PCDHGA8: variants seen among roughly 807,000 people sequenced by gnomAD.
PCDHGA8 encodes the protein protocadherin gamma subfamily A, 8.
A neutral mutation model predicts 59.2 loss-of-function variants in PCDHGA8; 45 were observed. The observed-to-expected ratio is 0.76, with a 90% CI of 0.60 to 0.98. The LOEUF is 0.98. Ranked by LOEUF, PCDHGA8 falls within the 50% of genes least tolerant of loss-of-function variation. PCDHGA8 has a pLI of 0.00. For synonymous variants in PCDHGA8, 531 were observed against 519.0 expected (o/e 1.02, Z -0.32); for missense variants, 1,257 against 1,196.2 (o/e 1.05, Z -0.75).
chr5:141,422,961 G>A, intron 1 of PCDHGA8: 1 of 1,614,234 alleles, frequency 6.2e-7, no homozygotes, highest in Non-Finnish European at 8.5e-7. Flanking sequence ...GCGTGGAGCT[G>A]GCGCCCCGCT....
intron 1 of PCDHGA8, chr5:141,398,616 C>T (rs922729367): frequency 6.2e-7 from 1 of 1,614,020 alleles, no homozygotes; most frequent in Non-Finnish European, 8.5e-7. Flanking sequence ...CAGATATTGG[C>T]TTAAACTCTC....
chr5:141,436,878 G>T (rs914354261), intron 1 of PCDHGA8, among the ~76,000 whole-genome samples: 1 of 152,216 alleles, frequency 6.6e-6, no homozygotes, highest in African/African-American at 2.4e-5. Context: ...GGCCATAAAA[G>T]ATGGGGGAAA....
chr5:141,505,891 G>A (rs541853565), intron 3 of PCDHGA8, among the ~76,000 whole-genome samples: 9 of 152,288 alleles, frequency 5.9e-5, no homozygotes, highest in Admixed American at 5.9e-4. Context: ...GATTAAATGA[G>A]ATGATACCAC....
intron 1 of PCDHGA8, among the ~76,000 whole-genome samples, chr5:141,452,353 AG>A (rs556616398): frequency 5.9e-5 from 9 of 152,206 alleles, no homozygotes; most frequent in Non-Finnish European, 1.3e-4. Context: ...TTTATCCAAA[AG>A]CCTTGCTTCA....
Position 141,477,439 on chromosome 5 carries a change from A to C in PCDHGA8, c.2425-17368A>C. 1 of 1,614,142 alleles carries C rather than the reference A, an allele frequency of 6.2e-7. No homozygotes were observed. Among genetic ancestry groups the C allele is most frequent in the Non-Finnish European group, 8.5e-7 (1 of 1,180,016 alleles). On this transcript the variant is annotated intron_variant, in intron 1 of 3. Transcript: ENST00000398604. This position sits in a 1 kb window ranked among gnomAD's most constrained non-coding sequence, Gnocchi z 4.9. ...GAACCCCTTCCCTCTCAGCCCTTAC[A>C]ATAGTGCGTGTTCAAGTGTCCGACA... is the stretch of plus-strand genomic sequence containing the variant.
intron 1 of PCDHGA8, among the ~76,000 whole-genome samples, chr5:141,402,311 A>G (rs1174114133): frequency 1.3e-5 from 2 of 152,022 alleles, no homozygotes; most frequent in Non-Finnish European, 2.9e-5. Flanking sequence ...ATACAATTAT[A>G]TATTTTACAT....
chr5:141,431,932 CT>C lies in PCDHGA8; in HGVS notation c.2424+36698del, dbSNP rs748715936. ...TCTGTTTCATCCAAGGAAATCTGCC[CT>C]TTAAATTAGAAAAATCTTACGGAAA... On this transcript the variant is annotated intron_variant, in intron 1 of 3. Transcript: ENST00000398604. The surrounding 1 kb of genome is among the most constrained non-coding windows in gnomAD (Gnocchi z 4.8). The C allele has an allele frequency of 6.2e-7, 1 of 1,614,172 alleles. No individual in the cohort carries two copies. Among genetic ancestry groups the C allele is most frequent in the Non-Finnish European group, 8.5e-7 (1 of 1,180,002 alleles).
intron 2 of PCDHGA8, among the ~76,000 whole-genome samples, chr5:141,499,675 T>A (rs1426498530): frequency 2.0e-5 from 3 of 150,746 alleles, no homozygotes; most frequent in African/African-American, 7.3e-5. Flanking sequence ...GTCTCCACCA[T>A]CTTTAACAGA....
At position 141,487,465 on chromosome 5, in the gene PCDHGA8, T is replaced by C. The variant is rs1354086784; in HGVS notation, c.2425-7342T>C. 1.9e-6 allele frequency: 3 copies of C among 1,614,194 alleles called. No individual in the cohort carries two copies. The highest frequency in any genetic ancestry group is 1.7e-6 in the Non-Finnish European group (2 of 1,180,020). Reference sequence around the variant, plus strand: ...CAGATGACCCTATCAAGTTTGTTGATGTGGGAGGCCACTCTCATGGCTGTA... The same window carrying C: ...CAGATGACCCTATCAAGTTTGTTGACGTGGGAGGCCACTCTCATGGCTGTA... On this transcript the variant is annotated intron_variant, in intron 1 of 3. Transcript: ENST00000398604. The surrounding 1 kb of genome is among the most constrained non-coding windows in gnomAD (Gnocchi z 5.0).
At chr5:141,399,125 T>C in intron 1 of PCDHGA8, 1 of 1,613,834 alleles carries the variant, frequency 6.2e-7, no homozygotes, top group South Asian at 1.1e-5. Context: ...GAAATTAATA[T>C]TCAAGATGAA....
intron 1 of PCDHGA8, chr5:141,398,307 G>A (rs1447377921): frequency 1.5e-6 from 2 of 1,359,764 alleles, no homozygotes; most frequent in South Asian, 1.3e-5. Flanking sequence ...GCGTCCAGGA[G>A]TTACCGACTC....
intron 1 of PCDHGA8, chr5:141,419,908 C>T: frequency 1.2e-6 from 2 of 1,613,976 alleles, no homozygotes; most frequent in Non-Finnish European, 1.7e-6. Context: ...CACCCTCTGA[C>T]TCCCAGGCTG....
chr5:141,422,780 T>C, intron 1 of PCDHGA8: 2 of 1,614,140 alleles, frequency 1.2e-6, no homozygotes, highest in Non-Finnish European at 1.7e-6. Context: ...CTCTATGCCC[T>C]ACAATCCTTC....
At position 141,489,436 on chromosome 5, in the gene PCDHGA8, T is replaced by C. The variant is rs1002519; in HGVS notation, c.2425-5371T>C. 0.23 allele frequency: 369,130 copies of C among 1,613,832 alleles called. 44,340 individuals are homozygous for C. The highest frequency in any genetic ancestry group is 0.38 in the Admixed American group (23,024 of 60,000). On this transcript the variant is annotated intron_variant, in intron 1 of 3. Transcript: ENST00000398604. The surrounding 1 kb of genome is among the most constrained non-coding windows in gnomAD (Gnocchi z 4.5). ...AGATCTGTTGAGCCGGCGGCTGCAATTGGGCTCTGAGGAGAATGGGCGCTA... is the reference window on the plus strand; with the variant it reads ...AGATCTGTTGAGCCGGCGGCTGCAACTGGGCTCTGAGGAGAATGGGCGCTA...
intron 1 of PCDHGA8, chr5:141,409,009 G>A (rs1189849996): frequency 6.2e-7 from 1 of 1,613,994 alleles, no homozygotes. Context: ...CCACTGACCA[G>A]GATGAGGGGG....
chr5:141,404,325 C>G (rs762306578), intron 1 of PCDHGA8: 7 of 1,613,876 alleles, frequency 4.3e-6, no homozygotes, highest in Non-Finnish European at 5.9e-6. Flanking sequence ...GCCTCCTACT[C>G]AGTCTACCTC....
intron 1 of PCDHGA8, among the ~76,000 whole-genome samples, chr5:141,483,276 TA>T (rs755290434): frequency 2.2e-4 from 33 of 152,238 alleles, no homozygotes; most frequent in Non-Finnish European, 3.8e-4. Context: ...TTAGAAATAT[TA>T]TTCTGTCAGT....
At position 141,431,513 on chromosome 5, in the gene PCDHGA8, C is replaced by A. The variant is rs1468442248; in HGVS notation, c.2424+36276C>A. ...TCAGCCCGAGTACCGCGCGAGCGTT[C>A]CGGAGAATCTGGCCTTGGGCACGCA... is the stretch of plus-strand genomic sequence containing the variant. On this transcript the variant is annotated intron_variant, in intron 1 of 3. Transcript: ENST00000398604. The surrounding 1 kb of genome is among the most constrained non-coding windows in gnomAD (Gnocchi z 4.8). 1 of 1,614,022 alleles carries A rather than the reference C, an allele frequency of 6.2e-7. No individual in the cohort carries two copies. The highest frequency in any genetic ancestry group is 1.7e-5 in the Admixed American group (1 of 60,032).
At chr5:141,398,746 T>TAC in intron 1 of PCDHGA8, 1 of 1,613,420 alleles carries the variant, frequency 6.2e-7, no homozygotes, top group South Asian at 1.1e-5. Context: ...ACAACAGAGT[T>TAC]ACCATCGTTT....
Sources: allele counts gnomAD v4.1 joint callset (sites outside exome capture counted in the v4.1 genomes callset), GRCh38; gene constraint gnomAD v4.1.1; non-coding constraint Gnocchi (gnomAD v3.1); transcripts MANE v1.5; gene names NCBI Gene and HGNC (gene_info 2026-07-23, HGNC 2026-07-21).